Variants in TTC28 observed in about 807,000 individuals in gnomAD.
TTC28 encodes the protein tetratricopeptide repeat protein 28.
In TTC28, 61 loss-of-function variants were observed where a neutral mutation model predicts 198.0. The observed-to-expected ratio is 0.31, with a 90% CI of 0.25 to 0.38. The LOEUF is 0.38. TTC28 is among the 10% of genes least tolerant of loss of function. The probability of loss-of-function intolerance (pLI) is 1.00; values close to 1 mark genes in which losing one functional copy is unlikely to be tolerated. For synonymous variants in TTC28, 1,171 were observed against 1,297.8 expected, an observed-to-expected ratio of 0.90 and a Z score of 2.10; for missense variants, 2,678 against 3,164.0, an observed-to-expected ratio of 0.85 and a Z score of 3.69.
chr22:28,270,918 G>T (rs765111533), intron 5 of TTC28, among the ~76,000 whole-genome samples: 70 of 152,048 alleles, frequency 4.6e-4, no homozygotes, highest in South Asian at 8.3e-4. Flanking sequence ...TCTTCTATGG[G>T]ATCCATAAAC....
chr22:28,160,725 G>A (rs537899738), intron 6 of TTC28, among the ~76,000 whole-genome samples: 3 of 152,282 alleles, frequency 2.0e-5, no homozygotes, highest in Non-Finnish European at 4.4e-5. Context: ...ACTGAGGAGT[G>A]GGACAAGGGA....
In TTC28 at chr22:27,993,377, T is replaced by C. The variant is rs575074859; in HGVS notation, c.5386A>G (p.Thr1796Ala). ...TAVGFRLDPPTSGLPAAVFFP... is the reference protein window; with the variant it reads ...TAVGFRLDPPASGLPAAVFFP... ...AAGACAGCCGCTGGCAGGCCACTGG[T>C]TGGGGGGTCCAGCCGGAAGCCCACA... Residue 1796 changes from threonine to alanine, a missense_variant, in exon 18 of 23, where the codon ACC (threonine) becomes GCC (alanine). Physicochemically the swap from Thr to Ala is moderately conservative, Grantham distance 58. This residue lies in a region of TTC28 where 314 missense variants were observed against 442.7 expected (regional missense o/e 0.71). Coordinates refer to ENST00000397906, the MANE Select transcript of TTC28 (RefSeq NM_001145418.2). The C allele has an allele frequency of 6.8e-5, 105 of 1,551,000 alleles. No homozygotes were observed. In the African/African-American group the frequency reaches 7.9e-4, roughly 12 times the overall value.
At chr22:28,026,424 G>A (rs905840557) in intron 13 of TTC28, among the ~76,000 whole-genome samples, 1 of 152,238 alleles carries the variant, frequency 6.6e-6, no homozygotes, top group African/African-American at 2.4e-5. Context: ...ATGTGGGCAC[G>A]CTGAGCACTG....
At chr22:28,330,773 A>G (rs2045602071) in intron 2 of TTC28, among the ~76,000 whole-genome samples, 1 of 152,192 alleles carries the variant, frequency 6.6e-6, no homozygotes. Context: ...AATAGCAGTC[A>G]AAAAGCATAT....
chr22:28,433,209 T>C (rs1569322229), intron 2 of TTC28, among the ~76,000 whole-genome samples: 1 of 152,204 alleles, frequency 6.6e-6, no homozygotes, highest in Non-Finnish European at 1.5e-5. Context: ...TGAAAGCAAA[T>C]AAATTTCTCG....
chr22:28,004,011 G>GAA (rs1937822332), intron 14 of TTC28, among the ~76,000 whole-genome samples: 1 of 152,198 alleles, frequency 6.6e-6, no homozygotes, highest in Non-Finnish European at 1.5e-5. Flanking sequence ...GATGTACTTA[G>GAA]AAAACTAAAA....
At chr22:28,009,718 C>T (rs1224679817) in intron 14 of TTC28, among the ~76,000 whole-genome samples, 1 of 152,248 alleles carries the variant, frequency 6.6e-6, no homozygotes, top group African/African-American at 2.4e-5. Context: ...TGTGAGTGAC[C>T]AGACATGAGA....
intron 2 of TTC28, among the ~76,000 whole-genome samples, chr22:28,338,097 T>C (rs542161481): frequency 3.6e-4 from 55 of 152,328 alleles, no homozygotes; most frequent in African/African-American, 1.2e-3. Context: ...CCTTCACTTA[T>C]GAAGCTTAGT....
intron 12 of TTC28, among the ~76,000 whole-genome samples, chr22:28,072,020 C>T (rs1601587866): frequency 6.6e-6 from 1 of 152,182 alleles, no homozygotes; most frequent in South Asian, 2.1e-4. Flanking sequence ...TGGATGTTAG[C>T]TCAAGGTCTG....
intron 2 of TTC28, among the ~76,000 whole-genome samples, chr22:28,587,529 T>C (rs1285921770): frequency 1.3e-5 from 2 of 152,102 alleles, no homozygotes; most frequent in Non-Finnish European, 1.5e-5. Context: ...TGAGACAGAA[T>C]CTTGCTCTGT....
In TTC28 at chr22:27,982,480, T is replaced by C. The variant is rs1016645066; in HGVS notation, c.7187A>G (p.Asn2396Ser). The C allele has an allele frequency of 4.5e-6, 7 of 1,551,464 alleles. No individual in the cohort carries two copies. Among genetic ancestry groups the C allele is most frequent in the Admixed American group, 2.0e-5 (1 of 50,982 alleles). ...TSKRDVLSLL[N>S]LSPRHNKKEE... ...CTTCTTATTGTGCCGTGGTGACAAATTCAACAGACTGAGGACATCCCTTTT... is the reference window on the plus strand; with the variant it reads ...CTTCTTATTGTGCCGTGGTGACAAACTCAACAGACTGAGGACATCCCTTTT... Residue 2396 changes from asparagine to serine, a missense_variant, in exon 23 of 23, where the codon AAT becomes AGT. By Grantham distance (46) the Asn-to-Ser change is conservative. Transcript: ENST00000397906. The surrounding 1 kb of genome is among the most constrained non-coding windows in gnomAD (Gnocchi z 5.2).
chr22:28,339,219 A>G (rs777455349), intron 2 of TTC28, among the ~76,000 whole-genome samples: 1 of 152,192 alleles, frequency 6.6e-6, no homozygotes, highest in Non-Finnish European at 1.5e-5. Flanking sequence ...ATTGGTGAAC[A>G]GCAAATGTTG....
intron 5 of TTC28, among the ~76,000 whole-genome samples, chr22:28,250,745 T>C (rs1020086682): frequency 1.3e-5 from 2 of 152,224 alleles, no homozygotes; most frequent in African/African-American, 4.8e-5. Context: ...CCCTCAAATA[T>C]CTGCAAACAG....
chr22:28,303,996 T>G (rs2045080892), intron 3 of TTC28: 2 of 152,112 alleles, frequency 1.3e-5, no homozygotes, highest in Admixed American at 1.3e-4. Context: ...GCTAAAAAAG[T>G]GGGCAGCAGC....
intron 12 of TTC28, among the ~76,000 whole-genome samples, chr22:28,045,224 A>AATTTTTGATCTTTTTGG: frequency 6.6e-6 from 1 of 152,074 alleles, no homozygotes; most frequent in Admixed American, 6.5e-5. Context: ...AAGCATTTTG[A>AATTTTTGATCTTTTTGG]ATTTTTGATC....
intron 2 of TTC28, among the ~76,000 whole-genome samples, chr22:28,475,961 C>T (rs1474335548): frequency 6.6e-6 from 1 of 152,044 alleles, no homozygotes; most frequent in Non-Finnish European, 1.5e-5. Context: ...GAAATTAGTC[C>T]CTCTTTTGCC....
At chr22:28,106,383 C>T (rs758589641) in intron 7 of TTC28, among the ~76,000 whole-genome samples, 6 of 152,246 alleles carry the variant, frequency 3.9e-5, no homozygotes, top group Admixed American at 6.5e-5. Flanking sequence ...AGAGAAGACA[C>T]GATAAGCGTG....
At chr22:28,199,886 A>G (rs1280928662) in intron 5 of TTC28, among the ~76,000 whole-genome samples, 2 of 152,072 alleles carry the variant, frequency 1.3e-5, no homozygotes, top group African/African-American at 4.8e-5. Context: ...AAAGTTTTGA[A>G]AACTTACCAG....
At chr22:28,272,015 T>G (rs924821345) in intron 5 of TTC28, among the ~76,000 whole-genome samples, 8 of 152,290 alleles carry the variant, frequency 5.3e-5, no homozygotes, top group African/African-American at 1.9e-4. Context: ...GCCTTCCCAG[T>G]CACTTGTAAC....
Sources: gnomAD v4.1 joint callset for allele counts (sites outside exome capture counted in the v4.1 genomes callset) on GRCh38, gnomAD v4.1.1 for gene constraint, gnomAD v4.1.1 regional missense constraint, Gnocchi (gnomAD v3.1) non-coding constraint, MANE v1.5 for transcripts, NCBI Gene and HGNC (gene_info 2026-07-23, HGNC 2026-07-21) for gene names.